MAGI1: variants seen among roughly 807,000 people sequenced by gnomAD.
MAGI1 encodes the protein membrane associated guanylate kinase, WW and PDZ domain containing 1, also known as membrane-associated guanylate kinase, WW and PDZ domain-containing protein 1.
A neutral mutation model predicts 139.9 loss-of-function variants in MAGI1; 58 were observed. That is an observed-to-expected ratio of 0.41 (90% CI 0.34 to 0.52). The LOEUF is 0.52. MAGI1 is among the 20% of genes least tolerant of loss of function. The pLI is 0.12. For missense variants in MAGI1, 1,874 were observed against 1,901.6 expected, an observed-to-expected ratio of 0.99 and a Z score of 0.27; for synonymous variants, 812 against 737.9, an observed-to-expected ratio of 1.10 and a Z score of -1.63.
At chr3:65,779,699 G>A (rs769984761) in intron 1 of MAGI1, among the ~76,000 whole-genome samples, 80 of 152,310 alleles carry the variant, frequency 5.3e-4, no homozygotes, top group Non-Finnish European at 1.1e-3. Flanking sequence ...TTCTTTTAAA[G>A]TAACAGTCTA....
chr3:65,641,357 A>G (rs772511748), intron 1 of MAGI1, among the ~76,000 whole-genome samples: 2 of 152,194 alleles, frequency 1.3e-5, no homozygotes, highest in Non-Finnish European at 2.9e-5. Flanking sequence ...GCATGTCTAT[A>G]ATAGCACCAG....
chr3:65,620,224 A>G (rs920358788), intron 2 of MAGI1, among the ~76,000 whole-genome samples: 12 of 152,188 alleles, frequency 7.9e-5, no homozygotes, highest in African/African-American at 2.9e-4. Flanking sequence ...TGATTCTGCA[A>G]TTACTGATTT....
intron 2 of MAGI1, among the ~76,000 whole-genome samples, chr3:65,529,119 C>CT (rs1204791831): frequency 6.6e-5 from 8 of 120,982 alleles, no homozygotes; most frequent in African/African-American, 2.0e-4. Context: ...GGTAAATATT[C>CT]TTTTTTTAAA....
chr3:65,469,386 T>C (rs1431409558), intron 5 of MAGI1, among the ~76,000 whole-genome samples: 1 of 152,172 alleles, frequency 6.6e-6, no homozygotes, highest in East Asian at 1.9e-4. Context: ...ATCTCAATGA[T>C]AGGATAATAA....
intron 2 of MAGI1, among the ~76,000 whole-genome samples, chr3:65,524,218 C>T (rs1174931350): frequency 6.6e-6 from 1 of 152,146 alleles, no homozygotes; most frequent in African/African-American, 2.4e-5. Context: ...TGTACAATGG[C>T]AACAGGCAAT....
intron 12 of MAGI1, among the ~76,000 whole-genome samples, chr3:65,421,211 A>G (rs150878002): frequency 7.2e-5 from 11 of 152,340 alleles, no homozygotes; most frequent in African/African-American, 2.6e-4. Flanking sequence ...ACTTTAAACC[A>G]TGGCAATAAA....
intron 2 of MAGI1, among the ~76,000 whole-genome samples, chr3:65,611,130 A>G (rs1188002069): frequency 7.1e-6 from 1 of 140,058 alleles, no homozygotes; most frequent in Non-Finnish European, 1.5e-5. Flanking sequence ...TATAATATAT[A>G]GTATAAATAG....
At chr3:65,789,928 T>C (rs1171972788) in intron 1 of MAGI1, among the ~76,000 whole-genome samples, 1 of 152,194 alleles carries the variant, frequency 6.6e-6, no homozygotes, top group Non-Finnish European at 1.5e-5. Flanking sequence ...AACAAAAATC[T>C]CATAGTCCAT....
At chr3:65,417,187 G>A (rs1005679659) in intron 12 of MAGI1, among the ~76,000 whole-genome samples, 1 of 152,190 alleles carries the variant, frequency 6.6e-6, no homozygotes, top group African/African-American at 2.4e-5. Context: ...GGCAGGGGTA[G>A]TGACAGCATC....
At position 65,357,122 on chromosome 3, in the gene MAGI1, G is replaced by A; in HGVS notation, c.3645C>T (p.Ser1215=). The A allele has an allele frequency of 6.2e-7, 1 of 1,608,654 alleles. No homozygotes were observed. The highest frequency in any genetic ancestry group is 8.5e-7 in the Non-Finnish European group (1 of 1,176,734). ...DGSVPEYDPS[S]DRHGPATGPQ... Reference sequence around the variant, plus strand: ...GACCGGTGGCGGGGCCGTGGCGGTCGCTGCTGGGGTCTGCCAGGAAAATAA... The same window carrying A: ...GACCGGTGGCGGGGCCGTGGCGGTCACTGCTGGGGTCTGCCAGGAAAATAA... The change falls in exon 23 of 23, where the codon AGC becomes AGT. Residue 1215 remains serine, a synonymous_variant. Transcript: ENST00000402939.
chr3:65,482,720 A>G (rs1362985235), intron 3 of MAGI1, among the ~76,000 whole-genome samples: 1 of 152,236 alleles, frequency 6.6e-6, no homozygotes, highest in Non-Finnish European at 1.5e-5. Context: ...GTGGTTTTCT[A>G]ACTGCAGAGT....
chr3:65,658,329 A>G (rs912153093), intron 1 of MAGI1, among the ~76,000 whole-genome samples: 3 of 152,190 alleles, frequency 2.0e-5, no homozygotes, highest in African/African-American at 4.8e-5. Flanking sequence ...CAGTACAGGA[A>G]CAAAACTTCC....
chr3:65,403,944 G>C (rs1575625786), intron 12 of MAGI1, among the ~76,000 whole-genome samples: 3 of 152,322 alleles, frequency 2.0e-5, no homozygotes, highest in East Asian at 3.9e-4. Flanking sequence ...TAAAAGGAAT[G>C]AGCTATCTCT....
intron 1 of MAGI1, among the ~76,000 whole-genome samples, chr3:65,773,689 A>G (rs1211125428): frequency 1.3e-5 from 2 of 152,164 alleles, no homozygotes; most frequent in African/African-American, 4.8e-5. Context: ...TATCATCTGG[A>G]AGTTCACAAG....
intron 1 of MAGI1, among the ~76,000 whole-genome samples, chr3:65,644,269 A>T (rs911236463): frequency 2.0e-5 from 3 of 152,080 alleles, no homozygotes; most frequent in African/African-American, 7.2e-5. Context: ...TATGAAGAAT[A>T]AAAAAAACTC....
intron 1 of MAGI1, among the ~76,000 whole-genome samples, chr3:65,947,296 T>C (rs1229588952): frequency 6.6e-6 from 1 of 152,164 alleles, no homozygotes; most frequent in Non-Finnish European, 1.5e-5. Flanking sequence ...GTTTTATCTA[T>C]AGTAATTCTG....
chr3:66,026,164 G>A (rs1201835975), intron 1 of MAGI1, among the ~76,000 whole-genome samples: 1 of 151,884 alleles, frequency 6.6e-6, no homozygotes, highest in Admixed American at 6.6e-5. Flanking sequence ...TCTAACGCTT[G>A]GCCAAGAATC....
chr3:65,709,801 G>A (rs1402912572), intron 1 of MAGI1, among the ~76,000 whole-genome samples: 1 of 152,174 alleles, frequency 6.6e-6, no homozygotes, highest in Non-Finnish European at 1.5e-5. Flanking sequence ...CAAGCAATTT[G>A]AAAAGAATTT....
chr3:65,862,169 T>G (rs1399726368), intron 1 of MAGI1, among the ~76,000 whole-genome samples: 1 of 152,228 alleles, frequency 6.6e-6, no homozygotes, highest in Admixed American at 6.5e-5. Flanking sequence ...AGGCATTCAT[T>G]AGAGGTTAAG....
Sources: allele counts gnomAD v4.1 joint callset (sites outside exome capture counted in the v4.1 genomes callset), GRCh38; gene constraint gnomAD v4.1.1; transcripts MANE v1.5; gene names NCBI Gene and HGNC (gene_info 2026-07-23, HGNC 2026-07-21).